VAV2: variants seen among roughly 807,000 people sequenced by gnomAD.
VAV2 encodes the protein vav guanine nucleotide exchange factor 2, also known as guanine nucleotide exchange factor VAV2.
In VAV2, 67 loss-of-function variants were observed where a neutral mutation model predicts 132.5. That is an observed-to-expected ratio of 0.51 (90% CI 0.42 to 0.62). The LOEUF (loss-of-function observed/expected upper bound fraction) is 0.62. VAV2 is among the 20% of genes least tolerant of loss of function. VAV2 has a pLI of 0.00. For missense variants in VAV2, 938 were observed against 1,153.6 expected, an observed-to-expected ratio of 0.81 and a Z score of 2.71; for synonymous variants, 492 against 443.5, an observed-to-expected ratio of 1.11 and a Z score of -1.37.
intron 1 of VAV2, among the ~76,000 whole-genome samples, chr9:133,985,574 G>A (rs1012694844): frequency 6.6e-6 from 1 of 152,086 alleles, no homozygotes; most frequent in Non-Finnish European, 1.5e-5. Flanking sequence ...GAGCCATCGC[G>A]CCCGGCCCTG....
At chr9:133,870,262 G>A (rs1455200071) in intron 2 of VAV2, among the ~76,000 whole-genome samples, 1 of 152,190 alleles carries the variant, frequency 6.6e-6, no homozygotes, top group African/African-American at 2.4e-5. Flanking sequence ...GGCCGGCAGA[G>A]TGCAGGAAGA....
intron 3 of VAV2, among the ~76,000 whole-genome samples, chr9:133,855,956 C>A (rs3819502): frequency 0.28 from 43,283 of 152,156 alleles, 9,023 homozygotes; most frequent in African/African-American, 0.6. Context: ...TAGCCACACA[C>A]TGGAATGTTC....
intron 20 of VAV2, 163 bp from the exon 21 acceptor site, chr9:133,780,102 C>G (rs746458759): frequency 9.0e-6 from 8 of 887,144 alleles, no homozygotes; most frequent in African/African-American, 1.7e-5. Context: ...GGGACGCCCC[C>G]ACCCTGGCAA....
intron 2 of VAV2, among the ~76,000 whole-genome samples, chr9:133,896,484 T>C (rs1839210198): frequency 6.6e-6 from 1 of 152,022 alleles, no homozygotes. Flanking sequence ...TAAAAAAGAA[T>C]AAAATCTTTA....
At chr9:133,789,491 G>T in intron 13 of VAV2, 148 bp from the exon 14 acceptor site, 1 of 719,026 alleles carries the variant, frequency 1.4e-6, no homozygotes, top group Non-Finnish European at 2.4e-6. Context: ...GTGGCTCCCA[G>T]CTGGTGCTCA....
At position 133,789,239 on chromosome 9, in the gene VAV2, C is replaced by T. The variant is rs374057106; in HGVS notation, c.1274+19G>A. On this transcript the variant is annotated intron_variant, in intron 14 of 29. Coordinates refer to ENST00000371850, the MANE Select transcript of VAV2 (RefSeq NM_001134398.2). ...CCCTGGCGGGACGCCACCCAGCCCA[C>T]AACACGCGCCCTGCTCACCTGTCCT... The T allele has an allele frequency of 1.2e-6, 2 of 1,613,224 alleles. No homozygotes were observed. The highest frequency in any genetic ancestry group is 1.7e-6 in the Non-Finnish European group (2 of 1,179,564).
In VAV2 at chr9:133,802,900, G is replaced by A. The variant is rs945777845; in HGVS notation, c.836+3181C>T. 2.6e-5 allele frequency among the ~76,000 whole-genome samples: 4 copies of A among 152,282 alleles called. 1 individual carries two copies. Among genetic ancestry groups the A allele is most frequent in the Middle Eastern group, 6.8e-3 (2 of 294 alleles). ...GGCTGAGCTGCCAGCTCTGGCCTCC[G>A]TTTCCCCATCTGGGAAATGGGGGTT... On this transcript the variant is annotated intron_variant, in intron 9 of 29. Transcript: ENST00000371850. This position sits in a 1 kb window ranked among gnomAD's most constrained non-coding sequence, Gnocchi z 5.8.
intron 2 of VAV2, among the ~76,000 whole-genome samples, chr9:133,927,027 G>C (rs1482977550): frequency 6.6e-6 from 1 of 152,150 alleles, no homozygotes; most frequent in Non-Finnish European, 1.5e-5. Context: ...CACTTCTGCA[G>C]GTGCCCACCC....
At position 133,784,319 on chromosome 9, in the gene VAV2, G is replaced by A. The variant is rs1564342672; in HGVS notation, c.1632C>T (p.Leu544=). 1 of 1,614,168 alleles carries A rather than the reference G, an allele frequency of 6.2e-7. No individual in the cohort carries two copies. The highest frequency in any genetic ancestry group is 1.7e-5 in the Admixed American group (1 of 60,038). ...TTNCKACKMF[L]RGTFYQGYMC... ...CTGTAGCAGGGGGTTTCCCACACCTGAGGAACATTTTGCAGGCTTTGCAGT... is the reference window on the plus strand; with the variant it reads ...CTGTAGCAGGGGGTTTCCCACACCTAAGGAACATTTTGCAGGCTTTGCAGT... The change falls in exon 18 of 30, where the codon CTC becomes CTT. Residue 544 remains leucine, a splice_region_variant and synonymous_variant. Coordinates refer to ENST00000371850, the MANE Select transcript of VAV2 (RefSeq NM_001134398.2).
intron 17 of VAV2, among the ~76,000 whole-genome samples, chr9:133,785,358 T>C (rs1834176673): frequency 6.6e-6 from 1 of 152,084 alleles, no homozygotes; most frequent in African/African-American, 2.4e-5. Context: ...CATGGAAAAA[T>C]AGTTCTGTGG....
chr9:133,831,863 C>T (rs1018527908), intron 4 of VAV2, among the ~76,000 whole-genome samples: 4 of 152,200 alleles, frequency 2.6e-5, no homozygotes, highest in African/African-American at 7.2e-5. Flanking sequence ...CATGGCTCTG[C>T]CACTTACTAG....
chr9:133,907,166 C>T (rs866509423), intron 2 of VAV2, among the ~76,000 whole-genome samples: 2 of 152,234 alleles, frequency 1.3e-5, no homozygotes, highest in African/African-American at 2.4e-5. Context: ...AGATGGCTGC[C>T]GGTGCCAGCC....
rs762494561 is a variant in VAV2 at position 133,777,499 on chromosome 9, C to T, written c.1891-36G>A. 1.1e-5 allele frequency: 17 copies of T among 1,604,138 alleles called. 1 individual carries two copies. Among genetic ancestry groups the T allele is most frequent in the Middle Eastern group, 1.7e-4 (1 of 6,040 alleles). On this transcript the variant is annotated intron_variant, in intron 22 of 29. Transcript: ENST00000371850. ...AAAGAGATGGTTAGGACAAGGGGGC[C>T]GAGCCTGGCCTATGGGAGTGTGGGG...
At chr9:133,892,913 G>C (rs946126925) in intron 2 of VAV2, among the ~76,000 whole-genome samples, 2 of 152,216 alleles carry the variant, frequency 1.3e-5, no homozygotes, top group Non-Finnish European at 2.9e-5. Flanking sequence ...CGGGGAACTT[G>C]CCCGAGCCCA....
chr9:133,968,418 G>A (rs1375533186), intron 1 of VAV2, among the ~76,000 whole-genome samples: 4 of 152,102 alleles, frequency 2.6e-5, no homozygotes, highest in Non-Finnish European at 4.4e-5. Flanking sequence ...AAAAGGTTGT[G>A]GGGGGGAAAA....
intron 1 of VAV2, among the ~76,000 whole-genome samples, chr9:133,954,752 G>A (rs1382589534): frequency 4.0e-5 from 6 of 150,796 alleles, no homozygotes; most frequent in East Asian, 4.0e-4. Flanking sequence ...GTGTACAGGC[G>A]TGCATGTGTT....
chr9:133,768,365 G>A lies in VAV2; in HGVS notation c.2589+77C>T. The A allele has an allele frequency of 6.4e-7, 1 of 1,556,860 alleles. No homozygotes were observed. Among genetic ancestry groups the A allele is most frequent in the South Asian group, 1.2e-5 (1 of 83,550 alleles). ...GGCCTGGGGTGTGGACATAGGTGTG[G>A]TGCTAGTCTGCCTGAGCCCGACCAG... On this transcript the variant is annotated intron_variant, in intron 29 of 29. Transcript: ENST00000371850. This position sits in a 1 kb window ranked among gnomAD's most constrained non-coding sequence, Gnocchi z 5.3.
chr9:133,939,268 T>A (rs757459633), intron 1 of VAV2, 49 bp from the exon 2 acceptor site: 2 of 1,533,670 alleles, frequency 1.3e-6, no homozygotes, highest in Non-Finnish European at 1.8e-6. Context: ...ATTAAAACTG[T>A]AAGCTCTGTA....
chr9:133,909,778 G>A (rs1439717465), intron 2 of VAV2, among the ~76,000 whole-genome samples: 1 of 152,208 alleles, frequency 6.6e-6, no homozygotes, highest in Non-Finnish European at 1.5e-5. Flanking sequence ...TGCGCCTGAG[G>A]ATTGTATTAA....
Sources: gnomAD v4.1 joint callset for allele counts (sites outside exome capture counted in the v4.1 genomes callset) on GRCh38, gnomAD v4.1.1 for gene constraint, Gnocchi (gnomAD v3.1) non-coding constraint, MANE v1.5 for transcripts, NCBI Gene and HGNC (gene_info 2026-07-23, HGNC 2026-07-21) for gene names.